TBL1XR1: variants seen among roughly 807,000 people sequenced by gnomAD.
The protein encoded by TBL1XR1 is TBL1X/Y related 1.
In TBL1XR1, 5 loss-of-function variants were observed where a neutral mutation model predicts 66.9. The observed-to-expected ratio is 0.07, with a 90% confidence interval of 0.04 to 0.16. TBL1XR1 has a LOEUF of 0.16. TBL1XR1 is among the 10% of genes least tolerant of loss of function. TBL1XR1 has a pLI of 1.00. For missense variants in TBL1XR1, 238 were observed against 623.2 expected (o/e 0.38, Z 6.58); for synonymous variants, 210 against 206.0 (o/e 1.02, Z -0.17).
At chr3:177,159,863 G>A (rs1385759421) in intron 1 of TBL1XR1, among the ~76,000 whole-genome samples, 2 of 152,154 alleles carry the variant, frequency 1.3e-5, no homozygotes, top group Admixed American at 6.5e-5. Flanking sequence ...AGGATGCTAC[G>A]TTTTTGCAGT....
intron 1 of TBL1XR1, among the ~76,000 whole-genome samples, chr3:177,114,224 T>C (rs1726004242): frequency 6.6e-6 from 1 of 151,674 alleles, no homozygotes; most frequent in Non-Finnish European, 1.5e-5. Context: ...ATCATATATA[T>C]ACATACACAT....
intron 3 of TBL1XR1, among the ~76,000 whole-genome samples, chr3:177,064,715 C>T (rs1184933627): frequency 1.5e-5 from 2 of 135,508 alleles, no homozygotes; most frequent in Non-Finnish European, 3.2e-5. Flanking sequence ...CAAACTGTTA[C>T]AAATAATTGC....
intron 14 of TBL1XR1, 103 bp from the exon 15 acceptor site, chr3:177,026,577 G>A: frequency 1.3e-6 from 1 of 795,452 alleles, no homozygotes; most frequent in Non-Finnish European, 1.9e-6. Context: ...AGCAATCAGA[G>A]GAGGGACTTA....
intron 1 of TBL1XR1, among the ~76,000 whole-genome samples, chr3:177,136,898 A>G (rs1260881467): frequency 6.6e-6 from 1 of 152,206 alleles, no homozygotes; most frequent in African/African-American, 2.4e-5. Flanking sequence ...ATTACTCAAT[A>G]TTATGAGTTT....
intron 1 of TBL1XR1, among the ~76,000 whole-genome samples, chr3:177,176,191 A>G (rs886969206): frequency 9.2e-5 from 14 of 151,684 alleles, no homozygotes; most frequent in Non-Finnish European, 1.9e-4. Context: ...GTAACTTGTT[A>G]ATTTTCTTGT....
chr3:177,030,626 G>C (rs115740314), intron 14 of TBL1XR1, among the ~76,000 whole-genome samples: 188 of 152,278 alleles, frequency 1.2e-3, no homozygotes, highest in Non-Finnish European at 2.3e-3. Context: ...ATTCACAACA[G>C]TGTGGCAACA....
chr3:177,195,619 G>A (rs926712593), intron 1 of TBL1XR1: 6 of 151,620 alleles, frequency 4.0e-5, no homozygotes, highest in African/African-American at 1.2e-4. Context: ...CAGGTAAGTA[G>A]ATGAACACAC....
chr3:177,112,018 G>A (rs1459539182), intron 1 of TBL1XR1, among the ~76,000 whole-genome samples: 3 of 120,748 alleles, frequency 2.5e-5, no homozygotes, highest in African/African-American at 6.1e-5. Context: ...GCCCTGAAAC[G>A]AAGAAGAAAA....
chr3:177,113,499 C>A (rs1243043755), intron 1 of TBL1XR1, among the ~76,000 whole-genome samples: 1 of 151,934 alleles, frequency 6.6e-6, no homozygotes, highest in Non-Finnish European at 1.5e-5. Context: ...GAACTTAAGA[C>A]AACTCAATAA....
intron 1 of TBL1XR1, chr3:177,120,941 C>T (rs2108755659): frequency 6.6e-6 from 1 of 152,244 alleles, no homozygotes; most frequent in South Asian, 2.1e-4. Flanking sequence ...AACCAATTTG[C>T]TTAAATTTAT....
rs1324522629 is a variant in TBL1XR1 at position 177,098,495 on chromosome 3, CA to C, written c.-76del. The stretch of plus-strand genomic sequence containing the variant: ...GGCAGTGCATTGATGTGGGGATGTG[CA>C]ACTGAATATCCGGTCACCGCCAATC... On this transcript the variant is annotated 5_prime_UTR_variant, in exon 2 of 16. Coordinates refer to ENST00000457928, the MANE Select transcript of TBL1XR1 (RefSeq NM_024665.7). The C allele has an allele frequency of 2.0e-6, 2 of 985,704 alleles. No individual in the cohort carries two copies. Among genetic ancestry groups the C allele is most frequent in the Non-Finnish European group, 2.4e-6 (2 of 829,938 alleles). 61.1% of individuals were successfully genotyped at this position (985,704 alleles called of 1,614,324 possible).
At chr3:177,105,632 C>G (rs752118836) in intron 1 of TBL1XR1, among the ~76,000 whole-genome samples, 2 of 152,176 alleles carry the variant, frequency 1.3e-5, no homozygotes, top group Non-Finnish European at 1.5e-5. Flanking sequence ...ATGGCTCTGC[C>G]AAGAAGACTG....
upstream of TBL1XR1, among the ~76,000 whole-genome samples, chr3:177,198,865 GACACACACAC>G (rs57636923): frequency 0.066 from 9,799 of 148,110 alleles, 392 homozygotes; most frequent in East Asian, 0.13. Context: ...GAAGTTTTGC[GACACACACAC>G]ACACACACAC....
intron 1 of TBL1XR1, among the ~76,000 whole-genome samples, chr3:177,148,524 A>C (rs557581577): frequency 6.6e-6 from 1 of 151,652 alleles, no homozygotes; most frequent in South Asian, 2.1e-4. Context: ...GACCAGCCTG[A>C]CCAATATGGT....
intron 12 of TBL1XR1, among the ~76,000 whole-genome samples, chr3:177,036,172 A>G (rs1033534004): frequency 1.3e-5 from 2 of 152,302 alleles, no homozygotes; most frequent in East Asian, 1.9e-4. Flanking sequence ...GTCTATTTCT[A>G]TAACTATCTC....
chr3:177,038,592 G>A (rs559591613), intron 10 of TBL1XR1, 158 bp from the exon 11 acceptor site: 1 of 680,230 alleles, frequency 1.5e-6, no homozygotes, highest in South Asian at 4.3e-5. Flanking sequence ...TAAAATAAAA[G>A]TATCTATATA....
chr3:177,134,934 G>A (rs1471496716), intron 1 of TBL1XR1, among the ~76,000 whole-genome samples: 3 of 90,970 alleles, frequency 3.3e-5, no homozygotes, highest in Non-Finnish European at 4.5e-5. Flanking sequence ...ATCACTCCTG[G>A]CACTGCAAGG....
intron 2 of TBL1XR1, among the ~76,000 whole-genome samples, chr3:177,084,087 CAAAAAA>C (rs36022409): frequency 1.4e-5 from 1 of 74,062 alleles, no homozygotes; most frequent in Non-Finnish European, 2.7e-5. Context: ...GACTCCGTCT[CAAAAAA>C]AAAAAAAAAG....
chr3:177,189,023 T>C (rs577660777), intron 1 of TBL1XR1, among the ~76,000 whole-genome samples: 45 of 142,982 alleles, frequency 3.1e-4, no homozygotes, highest in African/African-American at 9.7e-4. Flanking sequence ...CTGGCCAACA[T>C]AACGAAACCC....
Sources: gnomAD v4.1 joint callset for allele counts (sites outside exome capture counted in the v4.1 genomes callset) on GRCh38, gnomAD v4.1.1 for gene constraint, MANE v1.5 for transcripts, NCBI Gene and HGNC (gene_info 2026-07-23, HGNC 2026-07-21) for gene names.